POU2AF1: variants seen among roughly 807,000 people sequenced by gnomAD.
The protein encoded by POU2AF1 is POU class 2 homeobox associating factor 1, also known as POU domain class 2-associating factor 1.
A neutral mutation model predicts 26.3 loss-of-function variants in POU2AF1; 12 were observed. That is an observed-to-expected ratio of 0.46 (90% confidence interval 0.29 to 0.74). The LOEUF is 0.74. POU2AF1 is among the 30% of genes least tolerant of loss of function. The pLI, the probability that POU2AF1 is intolerant of heterozygous loss-of-function variation, is 0.09. For synonymous variants in POU2AF1, 175 were observed against 148.0 expected, an observed-to-expected ratio of 1.18 and a Z score of -1.32; for missense variants, 297 against 334.5, an observed-to-expected ratio of 0.89 and a Z score of 0.87.
At chr11:111,367,933 C>T (rs921918529) in intron 1 of POU2AF1, among the ~76,000 whole-genome samples, 7 of 152,116 alleles carry the variant, frequency 4.6e-5, no homozygotes, top group East Asian at 1.9e-4. Flanking sequence ...CTGGGGTCAC[C>T]GGAGCAGAAA....
At position 111,353,013 on chromosome 11, in the gene POU2AF1, G is replaced by GGAAA. The variant is rs1860763899; in HGVS notation, c.*1247_*1248insTTTC. On this transcript the variant is annotated 3_prime_UTR_variant, in exon 5 of 5. Coordinates refer to ENST00000393067, the MANE Select transcript of POU2AF1 (RefSeq NM_006235.3). ...AGGAAAGAAGGAAGGAAGGAAGGAA[G>GGAAA]GAAGGAAGGAAGGAAGGAAGGAAGG... is the stretch of plus-strand genomic sequence containing the variant. 6.7e-6 allele frequency: 1 copy of GGAAA among 149,022 alleles called. No homozygotes were observed. Among genetic ancestry groups the GGAAA allele is most frequent in the Non-Finnish European group, 1.4e-5 (1 of 70,528 alleles). 9.2% of individuals were successfully genotyped at this position (149,022 alleles called of 1,614,324 possible).
chr11:111,374,220 T>C (rs891511343), intron 1 of POU2AF1, among the ~76,000 whole-genome samples: 2 of 147,490 alleles, frequency 1.4e-5, no homozygotes, highest in South Asian at 4.3e-4. Context: ...TGGGGACAAA[T>C]CTGGCATTTT....
intron 4 of POU2AF1, among the ~76,000 whole-genome samples, chr11:111,355,567 T>C (rs2135106117): frequency 6.6e-6 from 1 of 152,260 alleles, no homozygotes; most frequent in Non-Finnish European, 1.5e-5. Context: ...TAGAATCATT[T>C]AGGGCAGGGC....
chr11:111,354,323 A>G lies in POU2AF1; in HGVS notation c.709T>C (p.Leu237=). Residue 237 remains leucine (L), a synonymous_variant, in exon 5 of 5, where the codon TTG becomes CTG. Transcript: ENST00000393067. ...TAGGCGTCGCTATCCTCTTCCTCCA[A>G]AAGCAGCTTGTCGATGGTCAACGAG... ...ASSLTIDKLL[L]EEEDSDAYAL... is the part of the protein sequence containing the mutation. The G allele has an allele frequency of 6.2e-7, 1 of 1,614,194 alleles. No individual in the cohort carries two copies. The highest frequency in any genetic ancestry group is 8.5e-7 in the Non-Finnish European group (1 of 1,180,032).
At chr11:111,371,832 G>A (rs1176974407) in intron 1 of POU2AF1, among the ~76,000 whole-genome samples, 1 of 152,090 alleles carries the variant, frequency 6.6e-6, no homozygotes, top group East Asian at 1.9e-4. Context: ...AATGGTGGCA[G>A]AAGGAGGAAA....
chr11:111,357,486 C>A lies in POU2AF1; in HGVS notation c.415G>T (p.Val139Leu), dbSNP rs767301139. The stretch of plus-strand genomic sequence containing the variant: ...AGTGGCGGAGAGGCATAGGTCAACA[C>A]TGAGGAGGGCCCCACCACCGTGTAG... Reference protein sequence around the residue: ...PSYTVVGPSSVLTYASPPLIT... With the variant: ...PSYTVVGPSSLLTYASPPLIT... Residue 139 changes from valine to leucine, a missense_variant, in exon 4 of 5, where the codon GTG becomes TTG. By Grantham distance (32) the Val-to-Leu change is conservative. Coordinates refer to ENST00000393067, the MANE Select transcript of POU2AF1 (RefSeq NM_006235.3). The A allele has an allele frequency of 1.2e-6, 2 of 1,614,130 alleles. No homozygotes were observed. Among genetic ancestry groups the A allele is most frequent in the Non-Finnish European group, 8.5e-7 (1 of 1,180,022 alleles).
In POU2AF1 at chr11:111,355,149, C is replaced by A. The variant is rs374343516; in HGVS notation, c.457-574G>T. ...TGGTGGCCAGCATGGGGAGGCCTGG[C>A]CATCCCCAGATGGGGGAAGCACTGC... is the stretch of plus-strand genomic sequence containing the variant. On this transcript the variant is annotated intron_variant, in intron 4 of 4. Transcript: ENST00000393067. Among the ~76,000 whole-genome samples, 9 of 152,298 alleles carry A rather than the reference C, an allele frequency of 5.9e-5. No homozygotes were observed. The East Asian group carries it at 1.5e-3, about 26-fold the overall frequency.
At chr11:111,367,722 CA>C (rs1201187798) in intron 1 of POU2AF1, among the ~76,000 whole-genome samples, 2 of 152,206 alleles carry the variant, frequency 1.3e-5, no homozygotes, top group Non-Finnish European at 2.9e-5. Context: ...CCAATTTCCC[CA>C]AGAAATGGTG....
Position 111,374,116 on chromosome 11 carries a change from A to ATTTTTTTTT in POU2AF1, c.16+5037_16+5045dup, listed in dbSNP as rs60260380. Among the ~76,000 whole-genome samples the ATTTTTTTTT allele has an allele frequency of 2.1e-4, 23 of 109,624 alleles. 3 individuals carry two copies. Among genetic ancestry groups the ATTTTTTTTT allele is most frequent in the Non-Finnish European group, 4.2e-4 (23 of 54,588 alleles). 71.9% of individuals were successfully genotyped at this position (109,624 alleles called of 152,430 possible). ...TAATGAACAGCTGTAGGCAAACTTG[A>ATTTTTTTTT]TTTTTTTTTTTTTTTTTTTTGGTTC... is the stretch of plus-strand genomic sequence containing the variant. On this transcript the variant is annotated intron_variant, in intron 1 of 4. Coordinates refer to ENST00000393067, the MANE Select transcript of POU2AF1 (RefSeq NM_006235.3).
intron 1 of POU2AF1, among the ~76,000 whole-genome samples, chr11:111,368,577 T>C (rs1861148726): frequency 6.6e-6 from 1 of 152,230 alleles, no homozygotes; most frequent in Non-Finnish European, 1.5e-5. Context: ...AGAGCTACCC[T>C]TGATGAAGTC....
At chr11:111,365,590 A>G (rs1365410837) in intron 1 of POU2AF1, among the ~76,000 whole-genome samples, 1 of 152,244 alleles carries the variant, frequency 6.6e-6, no homozygotes, top group African/African-American at 2.4e-5. Flanking sequence ...ATCAAACAAT[A>G]GGAATTCAAG....
Position 111,361,914 on chromosome 11 carries a change from G to GT in POU2AF1, c.17-2997dup, listed in dbSNP as rs1861017040. ...CGAAATCTGAGGACAGATACCAGGTGTCCCCCTAGGTCTGAAGGGACTTCT... is the reference window on the plus strand; with the variant it reads ...CGAAATCTGAGGACAGATACCAGGTGTTCCCCCTAGGTCTGAAGGGACTTCT... On this transcript the variant is annotated intron_variant, in intron 1 of 4. Transcript: ENST00000393067. 2.0e-5 allele frequency among the ~76,000 whole-genome samples: 3 copies of GT among 152,184 alleles called. No homozygotes were observed. The South Asian group carries it at 6.2e-4, about 32-fold the overall frequency.
chr11:111,357,397 G>A, intron 4 of POU2AF1, 48 bp downstream of exon 4: 1 of 1,609,508 alleles, frequency 6.2e-7, no homozygotes. Context: ...GGTTATAAAA[G>A]GGTGCACTCA....
intron 1 of POU2AF1, among the ~76,000 whole-genome samples, chr11:111,372,267 G>A (rs1012847737): frequency 6.6e-6 from 1 of 152,140 alleles, no homozygotes; most frequent in Non-Finnish European, 1.5e-5. Flanking sequence ...CCTTCTCTGA[G>A]CCTTTTATTA....
chr11:111,363,213 C>T, intron 1 of POU2AF1: 1 of 1,017,252 alleles, frequency 9.8e-7, no homozygotes, highest in South Asian at 4.6e-5. Flanking sequence ...TCCCACAGCT[C>T]CCACGGGTCT....
chr11:111,365,755 G>T (rs984145342), intron 1 of POU2AF1, among the ~76,000 whole-genome samples: 1 of 152,044 alleles, frequency 6.6e-6, no homozygotes, highest in Non-Finnish European at 1.5e-5. Flanking sequence ...TACTCAGGAG[G>T]CTGAGGCAGG....
At chr11:111,359,001 C>A in intron 1 of POU2AF1, 83 bp from the exon 2 acceptor site, 1 of 1,529,638 alleles carries the variant, frequency 6.5e-7, no homozygotes, top group Non-Finnish European at 8.7e-7. Context: ...CATGGATCTG[C>A]CTGCTCCCCT....
chr11:111,371,532 G>A (rs1861209274), intron 1 of POU2AF1, among the ~76,000 whole-genome samples: 1 of 152,098 alleles, frequency 6.6e-6, no homozygotes, highest in Non-Finnish European at 1.5e-5. Context: ...TCACAGAATG[G>A]TCAGATTAAT....
At position 111,358,696 on chromosome 11, in the gene POU2AF1, A is replaced by ACC. The variant is rs145613971; in HGVS notation, c.147+91_147+92insGG. On this transcript the variant is annotated intron_variant, in intron 2 of 4. Transcript: ENST00000393067. ...AACACATACACACACGCATACACAT[A>ACC]CTCACACACACATACACTCTCACAC... The ACC allele has an allele frequency of 1.1e-4, 157 of 1,398,706 alleles. 4 individuals carry two copies. Among genetic ancestry groups the ACC allele is most frequent in the Non-Finnish European group, 1.5e-4 (151 of 1,026,144 alleles). The allele number at this position is 1,398,706 out of a possible 1,614,324, so 86.6% of individuals were successfully genotyped here.
Sources: gnomAD v4.1 joint callset for allele counts (sites outside exome capture counted in the v4.1 genomes callset) on GRCh38, gnomAD v4.1.1 for gene constraint, MANE v1.5 for transcripts, NCBI Gene and HGNC (gene_info 2026-07-23, HGNC 2026-07-21) for gene names.